B3GALT1: variants seen among roughly 807,000 people sequenced by gnomAD.
B3GALT1 encodes UDP-Gal:betaGlcNAc beta 1,3-galactosyltransferase, polypeptide 1.
In B3GALT1, 10 loss-of-function variants were observed where a neutral mutation model predicts 23.2. The ratio of observed to expected loss-of-function variants is 0.43; its 90% CI spans 0.27 to 0.73. The LOEUF (loss-of-function observed/expected upper bound fraction) is 0.73, where lower values mean the gene tolerates loss of function less well. B3GALT1 is among the 30% of genes least tolerant of loss of function. The pLI is 0.21. For missense variants in B3GALT1, 299 were observed against 405.4 expected, an observed-to-expected ratio of 0.74 and a Z score of 2.25; for synonymous variants, 156 against 141.5, an observed-to-expected ratio of 1.10 and a Z score of -0.73.
At chr2:167,824,332 G>A (rs1450709235) in intron 4 of B3GALT1, among the ~76,000 whole-genome samples, 1 of 152,208 alleles carries the variant, frequency 6.6e-6, no homozygotes. Flanking sequence ...GGAGTGTAAA[G>A]AAAGAAATTT....
chr2:167,519,901 A>G (rs1032061994), intron 2 of B3GALT1, among the ~76,000 whole-genome samples: 32 of 152,016 alleles, frequency 2.1e-4, no homozygotes, highest in African/African-American at 7.5e-4. Context: ...GGGAAATATC[A>G]TCTCTACCAA....
intron 3 of B3GALT1, among the ~76,000 whole-genome samples, chr2:167,673,927 G>T (rs2105486152): frequency 6.6e-6 from 1 of 152,078 alleles, no homozygotes; most frequent in South Asian, 2.1e-4. Flanking sequence ...ACTAATTATT[G>T]TAACATTAGC....
At chr2:167,342,989 A>C (rs1420791665) in intron 1 of B3GALT1, among the ~76,000 whole-genome samples, 3 of 152,160 alleles carry the variant, frequency 2.0e-5, no homozygotes, top group Non-Finnish European at 4.4e-5. Context: ...GGCATTCAGG[A>C]TTTATTCATT....
In B3GALT1 at chr2:167,775,959, C is replaced by T. The variant is rs1392608318; in HGVS notation, c.-351-42713C>T. Among the ~76,000 whole-genome samples the T allele has an allele frequency of 4.0e-5, 6 of 151,366 alleles. No individual in the cohort carries two copies. In the East Asian group the frequency reaches 9.9e-4, roughly 25 times the overall value. The stretch of plus-strand genomic sequence containing the variant: ...CAGGGACCTGTAACTAAATGAAATA[C>T]ACCACAGTACCCCAAACAACAAACA... On this transcript the variant is annotated intron_variant, in intron 3 of 4. Coordinates refer to ENST00000392690, the MANE Select transcript of B3GALT1 (RefSeq NM_020981.4).
intron 2 of B3GALT1, among the ~76,000 whole-genome samples, chr2:167,571,389 T>A (rs1684290897): frequency 6.6e-6 from 1 of 151,942 alleles, no homozygotes; most frequent in Non-Finnish European, 1.5e-5. Flanking sequence ...TATTAACTGT[T>A]ACTGTGGCAG....
chr2:167,620,322 T>C (rs935079041), intron 2 of B3GALT1, among the ~76,000 whole-genome samples: 1 of 152,090 alleles, frequency 6.6e-6, no homozygotes, highest in African/African-American at 2.4e-5. Flanking sequence ...ATAGCCCATG[T>C]GGCTAACCCA....
chr2:167,791,143 T>C, intron 3 of B3GALT1, among the ~76,000 whole-genome samples: 1 of 152,136 alleles, frequency 6.6e-6, no homozygotes, highest in East Asian at 1.9e-4. Flanking sequence ...TTAATCCTCA[T>C]GAAAACTCTA....
At chr2:167,825,437 G>GTGT (rs1553491809) in intron 4 of B3GALT1, among the ~76,000 whole-genome samples, 1 of 144,574 alleles carries the variant, frequency 6.9e-6, no homozygotes, top group South Asian at 2.2e-4. Flanking sequence ...TATATGCAGG[G>GTGT]GTGTGTGTGT....
At chr2:167,367,850 C>G (rs1229874473) in intron 1 of B3GALT1, among the ~76,000 whole-genome samples, 1 of 152,184 alleles carries the variant, frequency 6.6e-6, no homozygotes, top group African/African-American at 2.4e-5. Flanking sequence ...TTACACTAGT[C>G]TAGTCATTCT....
intron 2 of B3GALT1, among the ~76,000 whole-genome samples, chr2:167,570,554 G>A (rs1684273879): frequency 6.6e-6 from 1 of 151,874 alleles, no homozygotes; most frequent in South Asian, 2.1e-4. Flanking sequence ...AAGTGTTATA[G>A]TTTTAATGTA....
intron 4 of B3GALT1, among the ~76,000 whole-genome samples, chr2:167,839,205 G>A (rs1374112522): frequency 6.6e-6 from 1 of 152,134 alleles, no homozygotes; most frequent in Non-Finnish European, 1.5e-5. Flanking sequence ...AGGAAATAAA[G>A]GGTATTCAAT....
At chr2:167,415,605 T>A (rs1400175826) in intron 1 of B3GALT1, among the ~76,000 whole-genome samples, 2 of 152,080 alleles carry the variant, frequency 1.3e-5, no homozygotes, top group Non-Finnish European at 2.9e-5. Flanking sequence ...AAAACACTTA[T>A]ATTGAGGGGA....
intron 2 of B3GALT1, among the ~76,000 whole-genome samples, chr2:167,589,763 T>C (rs1326809970): frequency 2.0e-5 from 3 of 152,124 alleles, no homozygotes; most frequent in Non-Finnish European, 2.9e-5. Flanking sequence ...ATTTTTATTA[T>C]AGATATAATA....
intron 4 of B3GALT1, among the ~76,000 whole-genome samples, chr2:167,860,325 C>T (rs2105429968): frequency 6.6e-6 from 1 of 152,292 alleles, no homozygotes; most frequent in South Asian, 2.1e-4. Context: ...GCTCCTCACT[C>T]ATTTCAAGAC....
In B3GALT1 at chr2:167,796,637, T is replaced by C. The variant is rs537891273; in HGVS notation, c.-351-22035T>C. Among the ~76,000 whole-genome samples the C allele has an allele frequency of 6.6e-5, 10 of 151,696 alleles. No individual in the cohort carries two copies. In the East Asian group the frequency reaches 1.6e-3, roughly 24 times the overall value. ...GGTGGTGCTTGCCTGTAATCCCAGC[T>C]ATTCGGGAGGCTGAGAGGCACAAGA... On this transcript the variant is annotated intron_variant, in intron 3 of 4. Transcript: ENST00000392690.
intron 1 of B3GALT1, among the ~76,000 whole-genome samples, chr2:167,408,071 CAG>C (rs1160992886): frequency 1.1e-4 from 9 of 81,054 alleles, no homozygotes; most frequent in African/African-American, 2.9e-4. Context: ...CACACACACA[CAG>C]ACACACAAAA....
intron 3 of B3GALT1, among the ~76,000 whole-genome samples, chr2:167,666,645 G>C (rs987403583): frequency 6.6e-6 from 1 of 152,060 alleles, no homozygotes; most frequent in Non-Finnish European, 1.5e-5. Flanking sequence ...TGTATTGGGT[G>C]CATATATATT....
In B3GALT1 at chr2:167,871,891, C is replaced by CTTTTTTTTTTTTTTTTTT. The variant is rs397870339; in HGVS notation, c.*1882_*1899dup. The CTTTTTTTTTTTTTTTTTT allele has an allele frequency of 4.8e-4, 30 of 62,464 alleles. 5 individuals carry two copies. The highest frequency in any genetic ancestry group is 6.8e-4 in the Non-Finnish European group (22 of 32,556). 3.9% of individuals were successfully genotyped at this position (62,464 alleles called of 1,614,324 possible). A position where few individuals can be genotyped will look rare whatever the true frequency, so the allele number is the denominator to read the frequency against. ...AGAGTGTACCTTTTTTATTTATTTA[C>CTTTTTTTTTTTTTTTTTT]TTTTTTTTTTTTTTTTTTTTTTTTT... On this transcript the variant is annotated 3_prime_UTR_variant, in exon 5 of 5. Transcript: ENST00000392690.
intron 1 of B3GALT1, among the ~76,000 whole-genome samples, chr2:167,473,957 G>A (rs1024325099): frequency 6.6e-6 from 1 of 152,148 alleles, no homozygotes; most frequent in Non-Finnish European, 1.5e-5. Flanking sequence ...ACACAGAAGG[G>A]TAAGTGGATA....
Sources: gnomAD v4.1 joint callset for allele counts (sites outside exome capture counted in the v4.1 genomes callset) on GRCh38, gnomAD v4.1.1 for gene constraint, MANE v1.5 for transcripts, NCBI Gene and HGNC (gene_info 2026-07-23, HGNC 2026-07-21) for gene names.